TTC28: variants seen among roughly 807,000 people sequenced by gnomAD.
The protein encoded by TTC28 is tetratricopeptide repeat domain 28.
A neutral mutation model predicts 198.0 loss-of-function variants in TTC28; 61 were observed. That is an observed-to-expected ratio of 0.31 (90% CI 0.25 to 0.38). TTC28 has a LOEUF of 0.38. TTC28 is among the 10% of genes least tolerant of loss of function. The probability of loss-of-function intolerance (pLI) is 1.00; values close to 1 mark genes in which losing one functional copy is unlikely to be tolerated. For synonymous variants in TTC28, 1,171 were observed against 1,297.8 expected (o/e 0.90, Z 2.10); for missense variants, 2,678 against 3,164.0 (o/e 0.85, Z 3.69).
At chr22:28,581,862 G>A (rs188724584) in intron 2 of TTC28, among the ~76,000 whole-genome samples, 3 of 152,082 alleles carry the variant, frequency 2.0e-5, no homozygotes, top group Admixed American at 6.6e-5. Context: ...GCTTGTAAAC[G>A]ATACATGGAT....
intron 2 of TTC28, among the ~76,000 whole-genome samples, chr22:28,374,209 T>G (rs892515117): frequency 6.6e-6 from 1 of 152,212 alleles, no homozygotes; most frequent in African/African-American, 2.4e-5. Context: ...AAGAGTAAAT[T>G]TGCACATCCA....
rs895153456 is a variant in TTC28 at position 27,981,935 on chromosome 22, T to A, written c.*286A>T. On this transcript the variant is annotated 3_prime_UTR_variant, in exon 23 of 23. Coordinates refer to ENST00000397906, the MANE Select transcript of TTC28 (RefSeq NM_001145418.2). ...TCCTGGTGAAGAATCATATCAAAGATGAGAAGCAGGGAGTTCAAAGGTAAA... is the reference window on the plus strand; with the variant it reads ...TCCTGGTGAAGAATCATATCAAAGAAGAGAAGCAGGGAGTTCAAAGGTAAA... 6 of 348,284 alleles carry A rather than the reference T, an allele frequency of 1.7e-5. No homozygotes were observed. The highest frequency in any genetic ancestry group is 4.5e-5 in the East Asian group (1 of 22,162). The allele number at this position is 348,284 out of a possible 1,614,324, so 21.6% of individuals were successfully genotyped here. A position where few individuals can be genotyped will look rare whatever the true frequency, so the allele number is the denominator to read the frequency against.
chr22:28,356,002 G>A (rs2046072513), intron 2 of TTC28, among the ~76,000 whole-genome samples: 1 of 152,186 alleles, frequency 6.6e-6, no homozygotes, highest in South Asian at 2.1e-4. Flanking sequence ...TGTTGCTTTG[G>A]AAAATGAAAA....
chr22:28,662,133 T>C (rs1382247593), intron 1 of TTC28, among the ~76,000 whole-genome samples: 3 of 152,200 alleles, frequency 2.0e-5, no homozygotes, highest in Admixed American at 6.5e-5. Flanking sequence ...TAAAATTTGA[T>C]AATAAACTTA....
intron 13 of TTC28, among the ~76,000 whole-genome samples, chr22:28,023,950 T>C (rs996331853): frequency 6.6e-6 from 1 of 152,234 alleles, no homozygotes; most frequent in Non-Finnish European, 1.5e-5. Flanking sequence ...CTTAGCACAG[T>C]GCTGAGTGCT....
At chr22:28,052,587 T>G (rs1234334878) in intron 12 of TTC28, among the ~76,000 whole-genome samples, 2 of 152,170 alleles carry the variant, frequency 1.3e-5, no homozygotes, top group Non-Finnish European at 2.9e-5. Context: ...CTAAAGGAAA[T>G]GCTACCACAG....
At chr22:28,088,245 C>G (rs1390299266) in intron 12 of TTC28, among the ~76,000 whole-genome samples, 1 of 152,152 alleles carries the variant, frequency 6.6e-6, no homozygotes, top group African/African-American at 2.4e-5. Context: ...AGGCATCACG[C>G]TACCTGACTT....
chr22:28,153,005 CTATT>C (rs1299579826), intron 6 of TTC28, among the ~76,000 whole-genome samples: 4 of 152,102 alleles, frequency 2.6e-5, no homozygotes, highest in Admixed American at 6.5e-5. Flanking sequence ...TTCATAAACT[CTATT>C]TAGGAATAAA....
At position 28,102,310 on chromosome 22, in the gene TTC28, G is replaced by A. The variant is rs376166535; in HGVS notation, c.3308-1030C>T. On this transcript the variant is annotated intron_variant, in intron 8 of 22. Coordinates refer to ENST00000397906, the MANE Select transcript of TTC28 (RefSeq NM_001145418.2). Reference sequence around the variant, plus strand: ...CCTTTTCAGTCTAAGATTTTGATGTGCCTCAGCGGGGTTGCAAAACAAGTG... The same window carrying A: ...CCTTTTCAGTCTAAGATTTTGATGTACCTCAGCGGGGTTGCAAAACAAGTG... Among the ~76,000 whole-genome samples the A allele has an allele frequency of 4.6e-5, 7 of 152,280 alleles. No individual in the cohort carries two copies. In the East Asian group the frequency reaches 1.2e-3, roughly 25 times the overall value.
At chr22:28,674,534 C>T (rs572216161) in intron 1 of TTC28, among the ~76,000 whole-genome samples, 3 of 151,994 alleles carry the variant, frequency 2.0e-5, no homozygotes, top group South Asian at 4.2e-4. Flanking sequence ...GAGTTAAGAC[C>T]TGTTGGCTGG....
intron 2 of TTC28, among the ~76,000 whole-genome samples, chr22:28,346,122 C>T (rs1397532274): frequency 6.6e-6 from 1 of 152,084 alleles, no homozygotes; most frequent in Admixed American, 6.5e-5. Context: ...TACTACTAGC[C>T]CATTTTACTA....
chr22:28,384,143 G>A (rs1356080823), intron 2 of TTC28, among the ~76,000 whole-genome samples: 4 of 152,024 alleles, frequency 2.6e-5, no homozygotes, highest in Non-Finnish European at 4.4e-5. Context: ...TCAGGTCTCT[G>A]CTTATACATT....
intron 5 of TTC28, among the ~76,000 whole-genome samples, chr22:28,269,438 C>G (rs1162578262): frequency 6.6e-6 from 1 of 152,062 alleles, no homozygotes; most frequent in Non-Finnish European, 1.5e-5. Context: ...TGTACATTGC[C>G]CACTCTAGCC....
chr22:28,179,245 C>T (rs758272736), intron 5 of TTC28, among the ~76,000 whole-genome samples: 5 of 151,584 alleles, frequency 3.3e-5, no homozygotes, highest in Non-Finnish European at 5.9e-5. Flanking sequence ...CTACAACCTC[C>T]GCCTCCCAGG....
intron 2 of TTC28, among the ~76,000 whole-genome samples, chr22:28,359,351 T>G (rs1398861855): frequency 2.6e-5 from 4 of 152,208 alleles, no homozygotes; most frequent in Non-Finnish European, 5.9e-5. Context: ...TTACACAACC[T>G]TTGTCTGTGA....
chr22:28,366,065 G>A (rs1031971323), intron 2 of TTC28, among the ~76,000 whole-genome samples: 8 of 152,154 alleles, frequency 5.3e-5, no homozygotes, highest in East Asian at 1.9e-4. Flanking sequence ...ATTTGGCAGC[G>A]GTTAGCTCAA....
chr22:28,611,616 T>C (rs1391369693), intron 2 of TTC28, among the ~76,000 whole-genome samples: 1 of 148,570 alleles, frequency 6.7e-6, no homozygotes, highest in Non-Finnish European at 1.5e-5. Context: ...CACTAACATG[T>C]CATCTAGCAT....
intron 2 of TTC28, among the ~76,000 whole-genome samples, chr22:28,582,659 T>C (rs2050249055): frequency 6.6e-6 from 1 of 152,090 alleles, no homozygotes; most frequent in Admixed American, 6.5e-5. Flanking sequence ...TTGGAATGCA[T>C]CTTTTTTGCA....
intron 2 of TTC28, among the ~76,000 whole-genome samples, chr22:28,343,258 AG>A (rs1405971229): frequency 6.6e-6 from 1 of 152,214 alleles, no homozygotes; most frequent in Non-Finnish European, 1.5e-5. Context: ...GGCCAGGCAC[AG>A]TGGCTCATGC....
Sources: gnomAD v4.1 joint callset for allele counts (sites outside exome capture counted in the v4.1 genomes callset) on GRCh38, gnomAD v4.1.1 for gene constraint, MANE v1.5 for transcripts, NCBI Gene and HGNC (gene_info 2026-07-23, HGNC 2026-07-21) for gene names.